Variants in KDM6A observed in about 807,000 individuals in gnomAD.
KDM6A encodes the protein lysine demethylase 6A.
A neutral mutation model predicts 117.6 loss-of-function variants in KDM6A; 11 were observed. The observed-to-expected ratio is 0.09, with a 90% CI of 0.06 to 0.15. The LOEUF (loss-of-function observed/expected upper bound fraction) is 0.15. KDM6A is among the 10% of genes least tolerant of loss of function. KDM6A has a pLI of 1.00. For synonymous variants in KDM6A, 384 were observed against 396.1 expected (o/e 0.97, Z 0.36); for missense variants, 799 against 1,077.3 (o/e 0.74, Z 3.62).
intron 2 of KDM6A, 66 bp downstream of exon 2, chrX:44,874,053 C>T (rs1168973134): frequency 2.8e-6 from 3 of 1,053,422 alleles, no homozygotes; most frequent in Non-Finnish European, 2.6e-6. Flanking sequence ...CGCCCCGGGC[C>T]CCGCGGCCGG....
At chrX:45,107,302 A>G in intron 27 of KDM6A, 108 bp from the exon 28 acceptor site, 1 of 770,368 alleles carries the variant, frequency 1.3e-6, no homozygotes, top group Non-Finnish European at 2.0e-6. Flanking sequence ...ATGAAGTCAT[A>G]GACATTAGAA....
chrX:45,074,786 G>C (rs956897786), intron 18 of KDM6A, among the ~76,000 whole-genome samples: 4 of 111,973 alleles, frequency 3.6e-5, no homozygotes, highest in Non-Finnish European at 7.5e-5. Flanking sequence ...AGCTCCCTTA[G>C]TCATGCCCCA....
At chrX:45,093,106 G>A (rs1035899242) in intron 27 of KDM6A, among the ~76,000 whole-genome samples, 1 of 110,882 alleles carries the variant, frequency 9.0e-6, no homozygotes, top group African/African-American at 3.3e-5. Flanking sequence ...GATCTAGTGG[G>A]TGCAGTGGCT....
rs188728559 is a variant in KDM6A at position 45,035,893 on chromosome X, G to A, written c.619+908G>A. ...TTTTTGTATTTTTAGTAGACATGGG[G>A]TTTCACCGTGTTAGCCAGGATGGTC... is the stretch of plus-strand genomic sequence containing the variant. On this transcript the variant is annotated intron_variant, in intron 7 of 29. Coordinates refer to ENST00000611820, the MANE Select transcript of KDM6A (RefSeq NM_001291415.2). Among the ~76,000 whole-genome samples the A allele has an allele frequency of 5.2e-3, 576 of 109,914 alleles. 5 individuals carry two copies. The highest frequency in any genetic ancestry group is 0.018 in the African/African-American group (547 of 30,190).
At chrX:44,939,731 G>A (rs2037183236) in intron 2 of KDM6A, among the ~76,000 whole-genome samples, 1 of 111,536 alleles carries the variant, frequency 9.0e-6, no homozygotes, top group Non-Finnish European at 1.9e-5. Flanking sequence ...AAACTTCATT[G>A]TTGTCCTAAG....
At chrX:44,930,426 A>G (rs1304355426) in intron 2 of KDM6A, among the ~76,000 whole-genome samples, 1 of 111,989 alleles carries the variant, frequency 8.9e-6, no homozygotes, top group Non-Finnish European at 1.9e-5. Flanking sequence ...GAAAAGTACC[A>G]TTTCACAAGT....
Position 44,919,641 on chromosome X carries a change from CT to C in KDM6A, c.226-41626del, listed in dbSNP as rs1204126878. ...CATTTACATTCATTTCAATATATAT[CT>C]TTTTTTTTTTTTTTTTGAGATGGGG... On this transcript the variant is annotated intron_variant, in intron 2 of 29. Coordinates refer to ENST00000611820, the MANE Select transcript of KDM6A (RefSeq NM_001291415.2). Among the ~76,000 whole-genome samples the C allele has an allele frequency of 2.0e-3, 179 of 91,527 alleles. 1 individual carries two copies. The Middle Eastern group carries it at 0.035, about 18-fold the overall frequency. 79.5% of individuals were successfully genotyped at this position (91,527 alleles called of 115,157 possible).
intron 8 of KDM6A, among the ~76,000 whole-genome samples, chrX:45,045,819 G>T (rs1393584181): frequency 9.0e-6 from 1 of 110,955 alleles, no homozygotes; most frequent in Non-Finnish European, 1.9e-5. Context: ...AGTGCTGCTT[G>T]ACCATGGATG....
chrX:45,063,931 T>C (rs1053944066), intron 17 of KDM6A, 114 bp downstream of exon 17: 37 of 712,299 alleles, frequency 5.2e-5, no homozygotes, highest in Middle Eastern at 6.5e-4. Flanking sequence ...TATAAGAATT[T>C]TGTGGCACTA....
chrX:45,093,970 G>T (rs992888200), intron 27 of KDM6A, among the ~76,000 whole-genome samples: 2 of 110,894 alleles, frequency 1.8e-5, no homozygotes, highest in African/African-American at 6.6e-5. Flanking sequence ...TTTAAATCTT[G>T]ATTGCATTCC....
At chrX:44,985,153 T>A (rs1222715501) in intron 4 of KDM6A, among the ~76,000 whole-genome samples, 1 of 110,788 alleles carries the variant, frequency 9.0e-6, no homozygotes, top group Non-Finnish European at 1.9e-5. Flanking sequence ...GATTCCTAGG[T>A]ATTTTATTCT....
chrX:45,096,249 A>C (rs2046100829), intron 27 of KDM6A, among the ~76,000 whole-genome samples: 1 of 111,703 alleles, frequency 9.0e-6, no homozygotes. Context: ...TTTCATAGTT[A>C]AGTGGTAAGC....
Position 44,992,206 on chromosome X carries a change from C to CTTT in KDM6A, c.384+17524_384+17526dup, listed in dbSNP as rs779979560. On this transcript the variant is annotated intron_variant, in intron 4 of 29. Coordinates refer to ENST00000611820, the MANE Select transcript of KDM6A (RefSeq NM_001291415.2). ...CGAAATTTAGCAATACTGTCTTCTT[C>CTTT]TTTTTTTTTTTTTTTTTTTTTTTTT... Among the ~76,000 whole-genome samples the CTTT allele has an allele frequency of 4.7e-3, 152 of 32,069 alleles. 6 individuals carry two copies. The highest frequency in any genetic ancestry group is 7.1e-3 in the Non-Finnish European group (121 of 17,139). 27.8% of individuals were successfully genotyped at this position (32,069 alleles called of 115,157 possible). A position where few individuals can be genotyped will look rare whatever the true frequency, so the allele number is the denominator to read the frequency against.
At chrX:45,045,383 C>T (rs1260789097) in intron 8 of KDM6A, among the ~76,000 whole-genome samples, 3 of 109,304 alleles carry the variant, frequency 2.7e-5, no homozygotes, top group Non-Finnish European at 5.7e-5. Context: ...GTCACGAGTT[C>T]GAGACCAGCC....
chrX:44,898,585 G>C (rs970676941), intron 2 of KDM6A, among the ~76,000 whole-genome samples: 1 of 111,432 alleles, frequency 9.0e-6, no homozygotes, highest in African/African-American at 3.3e-5. Flanking sequence ...GCTTCACGCA[G>C]CTTTATTAAG....
At chrX:44,895,106 A>T (rs1465287815) in intron 2 of KDM6A, among the ~76,000 whole-genome samples, 1 of 92,963 alleles carries the variant, frequency 1.1e-5, no homozygotes, top group East Asian at 3.3e-4. Context: ...TTATTTATTT[A>T]TTTATTTATT....
At chrX:44,895,841 C>CTT (rs765739399) in intron 2 of KDM6A, among the ~76,000 whole-genome samples, 85 of 98,046 alleles carry the variant, frequency 8.7e-4, no homozygotes, top group African/African-American at 2.8e-3. Context: ...CATTCATCTG[C>CTT]TTTTTTTTTT....
intron 17 of KDM6A, among the ~76,000 whole-genome samples, chrX:45,066,408 CTTG>C (rs1011704605): frequency 5.4e-5 from 6 of 111,075 alleles, no homozygotes; most frequent in Admixed American, 9.6e-5. Context: ...GAGTTGTTGT[CTTG>C]TTGTTGTTTT....
At position 45,069,954 on chromosome X, in the gene KDM6A, T is replaced by G. The variant is rs1238623777; in HGVS notation, c.2455T>G (p.Ser819Ala). The change falls in exon 18 of 30, where the codon TCT (serine) becomes GCT (alanine). Residue 819 changes from serine (S) to alanine (A), a missense_variant. Ser to Ala is a moderately conservative substitution (Grantham distance 99, BLOSUM62 1). Transcript: ENST00000611820. ...DAVCSPSHGDSKSPGLLSSDN... is the reference protein window; with the variant it reads ...DAVCSPSHGDAKSPGLLSSDN... ...TGTTTGCAGTCCTAGCCATGGAGAT[T>G]CTAAGTCACCAGGTTTACTAAGTTC... is the stretch of plus-strand genomic sequence containing the variant. 1 of 1,210,222 alleles carries G rather than the reference T, an allele frequency of 8.3e-7. No homozygotes were observed. Among genetic ancestry groups the G allele is most frequent in the African/African-American group, 1.7e-5 (1 of 57,195 alleles).
Sources: allele counts gnomAD v4.1 joint callset (sites outside exome capture counted in the v4.1 genomes callset), GRCh38; gene constraint gnomAD v4.1.1; transcripts MANE v1.5; gene names NCBI Gene and HGNC (gene_info 2026-07-23, HGNC 2026-07-21).